Variants in GRB10 observed in about 807,000 individuals in gnomAD.
The protein encoded by GRB10 is growth factor receptor bound protein 10, also known as growth factor receptor-bound protein 10.
Under a neutral mutation model 80.9 loss-of-function variants are expected in GRB10, and 20 were observed. The ratio of observed to expected loss-of-function variants is 0.25; its 90% CI spans 0.17 to 0.36. The LOEUF (loss-of-function observed/expected upper bound fraction) is 0.36, where lower values mean the gene tolerates loss of function less well. GRB10 is among the 10% of genes least tolerant of loss of function. The pLI is 1.00. For missense variants in GRB10, 548 were observed against 747.7 expected, an observed-to-expected ratio of 0.73 and a Z score of 3.12; for synonymous variants, 291 against 291.5, an observed-to-expected ratio of 1.00 and a Z score of 0.02.
At chr7:50,668,138 T>C (rs1341501988) in intron 7 of GRB10, among the ~76,000 whole-genome samples, 5 of 152,138 alleles carry the variant, frequency 3.3e-5, no homozygotes, top group African/African-American at 9.7e-5. Context: ...TAAGTTTTGA[T>C]AGTGCCATAA....
intron 7 of GRB10, among the ~76,000 whole-genome samples, chr7:50,650,157 C>G (rs908681938): frequency 2.0e-5 from 3 of 152,190 alleles, no homozygotes; most frequent in African/African-American, 7.2e-5. Flanking sequence ...AGATCACAAG[C>G]TGGGGTCGAA....
At chr7:50,710,770 G>T in intron 4 of GRB10, 2 of 1,268,102 alleles carry the variant, frequency 1.6e-6, no homozygotes, top group South Asian at 2.4e-5. Context: ...GAGGCAGAAC[G>T]ACCACTTCAT....
intron 15 of GRB10, chr7:50,604,861 T>C (rs1022349965): frequency 2.8e-5 from 8 of 286,940 alleles, no homozygotes; most frequent in Non-Finnish European, 5.3e-5. Flanking sequence ...TCTTCCCACC[T>C]GGAGATTAAG....
chr7:50,779,284 T>C (rs1354385923), intron 2 of GRB10: 1 of 152,080 alleles, frequency 6.6e-6, no homozygotes, highest in Non-Finnish European at 1.5e-5. Context: ...ACCCAAAACC[T>C]CAGGTCCCAA....
chr7:50,701,489 G>A (rs2064217787), intron 5 of GRB10, among the ~76,000 whole-genome samples: 1 of 152,184 alleles, frequency 6.6e-6, no homozygotes, highest in African/African-American at 2.4e-5. Context: ...TACTCGGGAG[G>A]CTGAGGCTGG....
chr7:50,753,102 C>G (rs1314732685), intron 3 of GRB10, among the ~76,000 whole-genome samples: 1 of 152,230 alleles, frequency 6.6e-6, no homozygotes, highest in Non-Finnish European at 1.5e-5. Context: ...TCCCCCAAGT[C>G]TAGTGCCATG....
At chr7:50,783,556 G>A (rs1049654371), upstream of GRB10, among the ~76,000 whole-genome samples, 6 of 146,748 alleles carry the variant, frequency 4.1e-5, no homozygotes, top group Non-Finnish European at 6.0e-5. Flanking sequence ...CCCCACCCCC[G>A]CACACACATA....
chr7:50,682,948 G>T (rs933902288), intron 5 of GRB10, among the ~76,000 whole-genome samples: 4 of 152,068 alleles, frequency 2.6e-5, no homozygotes, highest in Non-Finnish European at 4.4e-5. Context: ...TTCTTTCTTT[G>T]TTCTATTTTT....
chr7:50,736,871 C>T (rs1054070649), intron 3 of GRB10, among the ~76,000 whole-genome samples: 1 of 152,112 alleles, frequency 6.6e-6, no homozygotes, highest in Non-Finnish European at 1.5e-5. Context: ...TAAACTTACA[C>T]CATAAGCAAA....
intron 5 of GRB10, among the ~76,000 whole-genome samples, chr7:50,688,762 A>C (rs1383664385): frequency 8.9e-6 from 1 of 112,226 alleles, no homozygotes; most frequent in Non-Finnish European, 1.7e-5. Flanking sequence ...GCAGGCAGTG[A>C]GTGACAAGGG....
chr7:50,731,803 C>T (rs527309690), intron 4 of GRB10, among the ~76,000 whole-genome samples: 2 of 152,320 alleles, frequency 1.3e-5, no homozygotes, highest in East Asian at 3.9e-4. Flanking sequence ...AGGACTCCCT[C>T]TAGAACATCT....
chr7:50,721,496 C>T (rs2067737968), intron 4 of GRB10, among the ~76,000 whole-genome samples: 1 of 152,234 alleles, frequency 6.6e-6, no homozygotes, highest in African/African-American at 2.4e-5. Flanking sequence ...AGGAACAATG[C>T]TGGCCATTTG....
Position 50,732,372 on chromosome 7 carries a change from G to C in GRB10, c.-46-4C>G, listed in dbSNP as rs1406257287. 6.6e-7 allele frequency: 1 copy of C among 1,512,452 alleles called. No homozygotes were observed. The highest frequency in any genetic ancestry group is 9.2e-7 in the Non-Finnish European group (1 of 1,089,254). 93.7% of individuals were successfully genotyped at this position (1,512,452 alleles called of 1,614,324 possible). A position where few individuals can be genotyped will look rare whatever the true frequency, so the allele number is the denominator to read the frequency against. On this transcript the variant is annotated splice_polypyrimidine_tract_variant and splice_region_variant and intron_variant, in intron 3 of 18. Coordinates refer to ENST00000401949, the MANE Select transcript of GRB10 (RefSeq NM_001350814.2). ...TACATTTACTGCGCTGCAGCACCTGGAATAAAGACAGACTGTGAGAAGCCA... is the reference window on the plus strand; with the variant it reads ...TACATTTACTGCGCTGCAGCACCTGCAATAAAGACAGACTGTGAGAAGCCA...
chr7:50,778,621 T>C (rs139638739), intron 2 of GRB10, among the ~76,000 whole-genome samples: 185 of 152,232 alleles, frequency 1.2e-3, no homozygotes, highest in African/African-American at 3.3e-3. Flanking sequence ...AGGGAAATAA[T>C]GGGACAACCC....
chr7:50,664,181 T>C (rs903361918), intron 7 of GRB10, among the ~76,000 whole-genome samples: 2 of 152,138 alleles, frequency 1.3e-5, no homozygotes, highest in Admixed American at 6.5e-5. Flanking sequence ...GACACCCTCC[T>C]CACACAGCAA....
upstream of GRB10, among the ~76,000 whole-genome samples, chr7:50,783,490 CACAT>C (rs924335939): frequency 1.3e-5 from 2 of 150,862 alleles, no homozygotes; most frequent in African/African-American, 2.4e-5. Context: ...ACACACCACA[CACAT>C]ACATACACAC....
chr7:50,667,359 C>G (rs2059922837), intron 7 of GRB10, among the ~76,000 whole-genome samples: 2 of 152,152 alleles, frequency 1.3e-5, no homozygotes, highest in African/African-American at 4.8e-5. Flanking sequence ...ATCGGGTCCA[C>G]TTTGTCAATT....
upstream of GRB10, among the ~76,000 whole-genome samples, chr7:50,786,822 G>T (rs2078712665): frequency 6.6e-6 from 1 of 152,142 alleles, no homozygotes; most frequent in African/African-American, 2.4e-5. Context: ...GCATTCCTGG[G>T]ACAATGGAGA....
chr7:50,713,025 C>G (rs1433217599), intron 4 of GRB10, among the ~76,000 whole-genome samples: 1 of 152,204 alleles, frequency 6.6e-6, no homozygotes, highest in Non-Finnish European at 1.5e-5. Flanking sequence ...TTTGCCAAGT[C>G]AGTTTTGTTC....
Sources: gnomAD v4.1 joint callset for allele counts (sites outside exome capture counted in the v4.1 genomes callset) on GRCh38, gnomAD v4.1.1 for gene constraint, MANE v1.5 for transcripts, NCBI Gene and HGNC (gene_info 2026-07-23, HGNC 2026-07-21) for gene names.